The following BTBD8 variants were observed in gnomAD, a reference collection of about 807,000 sequenced individuals.
BTBD8 encodes the protein BTB/POZ domain-containing protein 8.
BTBD8 carries 110 observed loss-of-function variants against 162.9 expected under a neutral mutation model. That is an observed-to-expected ratio of 0.68 (90% CI 0.58 to 0.79). The LOEUF (loss-of-function observed/expected upper bound fraction) is 0.79, where lower values mean the gene tolerates loss of function less well. BTBD8 is among the 30% of genes least tolerant of loss of function. The pLI is 0.00. For missense variants in BTBD8, 1,905 were observed against 2,085.4 expected (o/e 0.91, Z 1.68); for synonymous variants, 667 against 716.1 (o/e 0.93, Z 1.10).
At chr1:92,146,963 TAA>T (rs1649940156) in intron 7 of BTBD8, among the ~76,000 whole-genome samples, 1 of 152,158 alleles carries the variant, frequency 6.6e-6, no homozygotes, top group Non-Finnish European at 1.5e-5. Flanking sequence ...GGAAAAAAAT[TAA>T]GAGTCTGACT....
At chr1:92,169,106 A>T in intron 12 of BTBD8, 111 bp downstream of exon 12, 1 of 1,031,536 alleles carries the variant, frequency 9.7e-7, no homozygotes. Flanking sequence ...CTTCTGTTGG[A>T]TAATAGGATA....
chr1:92,082,311 T>A (rs183814294), intron 1 of BTBD8, among the ~76,000 whole-genome samples: 138 of 152,362 alleles, frequency 9.1e-4, no homozygotes, highest in Middle Eastern at 3.4e-3. Context: ...GTCATTTATT[T>A]ATTCTACAAA....
chr1:92,140,099 ACT>A (rs1649737047), intron 6 of BTBD8, among the ~76,000 whole-genome samples: 1 of 126,662 alleles, frequency 7.9e-6, no homozygotes, highest in African/African-American at 3.2e-5. Context: ...ATAGAGCGAG[ACT>A]CTGTCTCAAA....
Position 92,168,851 on chromosome 1 carries a change from G to T in BTBD8, c.1444-15G>T, listed in dbSNP as rs1321539480. On this transcript the variant is annotated splice_polypyrimidine_tract_variant and intron_variant, in intron 11 of 17. Coordinates refer to ENST00000636805, the MANE Select transcript of BTBD8 (RefSeq NM_001376131.1). ...TGTGGCTCTCACCAGCTGCTGATTT[G>T]TTGCTTGAACACAGGGTTTTACGTG... 8 of 1,497,510 alleles carry T rather than the reference G, an allele frequency of 5.3e-6. No homozygotes were observed. Among genetic ancestry groups the T allele is most frequent in the Non-Finnish European group, 6.3e-6 (7 of 1,106,542 alleles). The allele number at this position is 1,497,510 out of a possible 1,614,324, so 92.8% of individuals were successfully genotyped here.
chr1:92,094,927 G>A (rs180860309), intron 2 of BTBD8, among the ~76,000 whole-genome samples: 44 of 152,316 alleles, frequency 2.9e-4, no homozygotes, highest in Admixed American at 2.3e-3. Context: ...TTTCTCTGGC[G>A]GTAGCCATTG....
chr1:92,100,989 T>G (rs771885096), intron 2 of BTBD8, among the ~76,000 whole-genome samples: 5 of 152,122 alleles, frequency 3.3e-5, no homozygotes, highest in Non-Finnish European at 7.4e-5. Flanking sequence ...AATAAGTTCT[T>G]TAGTGGTGAT....
rs1219831027 is a variant in BTBD8 at position 92,100,021 on chromosome 1, G to A, written c.348-2452G>A. Reference sequence around the variant, plus strand: ...CATGGATGTCCTTTATCAAGTTGAGGACATTCTCTTTTATTCCTAGTTTGT... The same window carrying A: ...CATGGATGTCCTTTATCAAGTTGAGAACATTCTCTTTTATTCCTAGTTTGT... On this transcript the variant is annotated intron_variant, in intron 2 of 17. Coordinates refer to ENST00000636805, the MANE Select transcript of BTBD8 (RefSeq NM_001376131.1). Among the ~76,000 whole-genome samples, 9 of 152,250 alleles carry A rather than the reference G, an allele frequency of 5.9e-5. 1 individual carries two copies. The South Asian group carries it at 1.9e-3, about 32-fold the overall frequency.
At chr1:92,140,108 CAAAAA>C (rs66840540) in intron 6 of BTBD8, among the ~76,000 whole-genome samples, 2 of 109,386 alleles carry the variant, frequency 1.8e-5, no homozygotes, top group Non-Finnish European at 3.8e-5. Flanking sequence ...GACTCTGTCT[CAAAAA>C]AAAAAAAAAA....
intron 9 of BTBD8, among the ~76,000 whole-genome samples, chr1:92,154,125 G>A (rs369132213): frequency 1.4e-4 from 22 of 152,048 alleles, no homozygotes; most frequent in Non-Finnish European, 2.5e-4. Context: ...CTGCTCCTCC[G>A]TTACCTTCCA....
intron 13 of BTBD8, among the ~76,000 whole-genome samples, chr1:92,176,352 C>T (rs1459755607): frequency 1.3e-5 from 2 of 152,176 alleles, no homozygotes; most frequent in African/African-American, 4.8e-5. Flanking sequence ...CACATACCTA[C>T]TTTAATCCTC....
chr1:92,097,697 T>A (rs1648489462), intron 2 of BTBD8, among the ~76,000 whole-genome samples: 1 of 152,222 alleles, frequency 6.6e-6, no homozygotes, highest in Non-Finnish European at 1.5e-5. Context: ...TTCATCTATG[T>A]TGTGACACGT....
At chr1:92,100,741 C>A (rs1277982702) in intron 2 of BTBD8, among the ~76,000 whole-genome samples, 1 of 151,996 alleles carries the variant, frequency 6.6e-6, no homozygotes, top group South Asian at 2.1e-4. Flanking sequence ...TCCCAAGTAG[C>A]TGGGATTACA....
At chr1:92,167,456 A>G (rs1035264803) in intron 10 of BTBD8, among the ~76,000 whole-genome samples, 2 of 152,226 alleles carry the variant, frequency 1.3e-5, no homozygotes, top group Admixed American at 6.5e-5. Flanking sequence ...CCAGTAATAC[A>G]ATTATGATCC....
chr1:92,142,866 A>T (rs546496524), intron 7 of BTBD8, among the ~76,000 whole-genome samples: 1 of 152,338 alleles, frequency 6.6e-6, no homozygotes, highest in Admixed American at 6.5e-5. Flanking sequence ...CCCTACTACC[A>T]TCTTGGTCTC....
At chr1:92,146,486 A>G (rs541807196) in intron 7 of BTBD8, among the ~76,000 whole-genome samples, 6 of 152,342 alleles carry the variant, frequency 3.9e-5, no homozygotes, top group Admixed American at 3.9e-4. Flanking sequence ...GGTTTACAAT[A>G]GAGTTTGCTG....
chr1:92,117,408 GCTT>G (rs1649073557), intron 4 of BTBD8, among the ~76,000 whole-genome samples: 1 of 151,462 alleles, frequency 6.6e-6, no homozygotes, highest in Non-Finnish European at 1.5e-5. Context: ...TGTTTATGAA[GCTT>G]CTTTTTAAAT....
intron 4 of BTBD8, chr1:92,115,058 C>A: frequency 2.7e-6 from 1 of 375,556 alleles, no homozygotes; most frequent in East Asian, 7.2e-5. Context: ...CTGGTTTCTC[C>A]AGAGAGCAGG....
chr1:92,182,348 A>G lies in BTBD8; in HGVS notation c.4665A>G (p.Lys1555=), dbSNP rs1260175345. Residue 1555 remains lysine, a synonymous_variant, in exon 17 of 18, where the codon AAA becomes AAG. Transcript: ENST00000636805. Reference sequence around the variant, plus strand: ...GACAGCTTCTTCGAGAAGATAAAAAAGTAAACAATGGAAGCAATGTGGAAA... The same window carrying G: ...GACAGCTTCTTCGAGAAGATAAAAAGGTAAACAATGGAAGCAATGTGGAAA... ...RSRQLLREDK[K]VNNGSNVEND... 1 of 1,550,626 alleles carries G rather than the reference A, an allele frequency of 6.4e-7. No individual in the cohort carries two copies. Among genetic ancestry groups the G allele is most frequent in the South Asian group, 1.2e-5 (1 of 83,706 alleles).
chr1:92,081,237 A>C (rs1648005769), intron 1 of BTBD8, among the ~76,000 whole-genome samples: 1 of 152,222 alleles, frequency 6.6e-6, no homozygotes, highest in Non-Finnish European at 1.5e-5. Context: ...CTCCACCTAG[A>C]GCTCTCTGTA....
Sources: allele counts gnomAD v4.1 joint callset (sites outside exome capture counted in the v4.1 genomes callset), GRCh38; gene constraint gnomAD v4.1.1; transcripts MANE v1.5; gene names NCBI Gene and HGNC (gene_info 2026-07-23, HGNC 2026-07-21).